Variants in SNX9 observed in about 807,000 individuals in gnomAD.
SNX9 encodes sorting nexin-9.
In SNX9, 44 loss-of-function variants were observed where a neutral mutation model predicts 89.4. That is an observed-to-expected ratio of 0.49 (90% CI 0.39 to 0.63). SNX9 has a LOEUF of 0.63. SNX9 is among the 30% of genes least tolerant of loss of function. The pLI, the probability that SNX9 is intolerant of heterozygous loss-of-function variation, is 0.00. For synonymous variants in SNX9, 236 were observed against 247.8 expected (o/e 0.95, Z 0.45); for missense variants, 578 against 736.1 (o/e 0.79, Z 2.49).
At chr6:157,933,850 G>A (rs1783867060) in intron 13 of SNX9, among the ~76,000 whole-genome samples, 1 of 152,204 alleles carries the variant, frequency 6.6e-6, no homozygotes, top group African/African-American at 2.4e-5. Context: ...TTTCTGGACT[G>A]TGATTATCAA....
intron 10 of SNX9, 61 bp downstream of exon 10, chr6:157,921,722 C>A: frequency 6.5e-7 from 1 of 1,535,648 alleles, no homozygotes; most frequent in South Asian, 1.2e-5. Context: ...TCACACCAAA[C>A]TTATTTCTGA....
rs3805777 is a variant in SNX9, at chr6:157,899,033, A to G, written c.472+2035A>G. 3.0e-3 allele frequency among the ~76,000 whole-genome samples: 440 copies of G among 148,268 alleles called. 2 individuals are homozygous for G. Among genetic ancestry groups the G allele is most frequent in the African/African-American group, 0.01 (393 of 38,466 alleles). On this transcript the variant is annotated intron_variant, in intron 5 of 17. Coordinates refer to ENST00000392185, the MANE Select transcript of SNX9 (RefSeq NM_016224.5). ...CTCTTAGGACCTGACACTAAAGGAC[A>G]CTCAGGCCGTTAGAGTAGGGGAGGA...
intron 1 of SNX9, among the ~76,000 whole-genome samples, chr6:157,862,912 A>G (rs1004084739): frequency 3.3e-5 from 5 of 152,196 alleles, no homozygotes; most frequent in Admixed American, 2.6e-4. Flanking sequence ...GTGGACTGAC[A>G]GTTTAATAAG....
intron 2 of SNX9, among the ~76,000 whole-genome samples, chr6:157,867,923 T>C (rs1782301885): frequency 6.6e-6 from 1 of 152,216 alleles, no homozygotes; most frequent in African/African-American, 2.4e-5. Flanking sequence ...TTCTTCGATA[T>C]GTTTATCTTA....
intron 16 of SNX9, among the ~76,000 whole-genome samples, chr6:157,940,400 G>A (rs777308390): frequency 1.3e-4 from 20 of 152,208 alleles, no homozygotes; most frequent in Non-Finnish European, 2.4e-4. Context: ...GGAAAGTAAT[G>A]TTTGTCATTA....
rs57674908 is a variant in SNX9, at chr6:157,899,635, G to A, written c.473-2263G>A. On this transcript the variant is annotated intron_variant, in intron 5 of 17. Coordinates refer to ENST00000392185, the MANE Select transcript of SNX9 (RefSeq NM_016224.5). ...AAAATAGAAAAAAAATTAGCCGGGT[G>A]TGGTGGCAGGCGCCTGTAGTCCCAG... Among the ~76,000 whole-genome samples, 7 of 152,242 alleles carry A rather than the reference G, an allele frequency of 4.6e-5. No homozygotes were observed. In the East Asian group the frequency reaches 1.2e-3, roughly 25 times the overall value.
intron 11 of SNX9, 51 bp downstream of exon 11, chr6:157,927,265 T>C (rs1428214001): frequency 6.7e-6 from 9 of 1,347,994 alleles, no homozygotes; most frequent in Non-Finnish European, 9.6e-6. Context: ...CCCTCCTCCT[T>C]TGGCCATCAG....
chr6:157,877,792 G>A (rs1021840672), intron 4 of SNX9, among the ~76,000 whole-genome samples: 4 of 152,036 alleles, frequency 2.6e-5, no homozygotes, highest in African/African-American at 4.8e-5. Context: ...GGCACACTCT[G>A]CCAACTTCTG....
intron 1 of SNX9, among the ~76,000 whole-genome samples, chr6:157,854,048 C>G (rs912026522): frequency 2.0e-5 from 3 of 152,180 alleles, no homozygotes; most frequent in Non-Finnish European, 4.4e-5. Flanking sequence ...CATTTCCTCC[C>G]CCTTTGGGGA....
intron 4 of SNX9, among the ~76,000 whole-genome samples, 164 bp from the exon 5 acceptor site, chr6:157,896,663 A>G (rs572956231): frequency 2.0e-5 from 3 of 152,236 alleles, no homozygotes; most frequent in Admixed American, 6.5e-5. Flanking sequence ...GCTTTCCTAC[A>G]TGTTTGGAAA....
At chr6:157,930,143 C>A (rs1487854175) in intron 12 of SNX9, among the ~76,000 whole-genome samples, 2 of 152,206 alleles carry the variant, frequency 1.3e-5, no homozygotes, top group Admixed American at 1.3e-4. Context: ...CAATAACTAC[C>A]TCTGCCTCTT....
intron 6 of SNX9, among the ~76,000 whole-genome samples, chr6:157,904,492 A>G (rs1783170402): frequency 6.6e-6 from 1 of 152,054 alleles, no homozygotes; most frequent in African/African-American, 2.4e-5. Context: ...GCTGTCCTCA[A>G]ATTTTTCTGT....
At chr6:157,857,165 A>G (rs992694518) in intron 1 of SNX9, among the ~76,000 whole-genome samples, 1 of 152,214 alleles carries the variant, frequency 6.6e-6, no homozygotes, top group Non-Finnish European at 1.5e-5. Flanking sequence ...GTTTCAGTCC[A>G]TTGTGGTCAT....
At chr6:157,894,101 C>CTTTTCTTTTTT (rs1782921948) in intron 4 of SNX9, among the ~76,000 whole-genome samples, 1 of 103,360 alleles carries the variant, frequency 9.7e-6, no homozygotes, top group African/African-American at 3.7e-5. Flanking sequence ...TTTCGCTTTT[C>CTTTTCTTTTTT]TTTTCTTTTT....
At chr6:157,865,503 G>T (rs920081182) in intron 1 of SNX9, among the ~76,000 whole-genome samples, 12 of 152,186 alleles carry the variant, frequency 7.9e-5, no homozygotes, top group Non-Finnish European at 1.5e-4. Flanking sequence ...CTCCACTCGG[G>T]TCCCAGCCTC....
chr6:157,850,115 G>A (rs973022611), intron 1 of SNX9, among the ~76,000 whole-genome samples: 3 of 152,194 alleles, frequency 2.0e-5, no homozygotes, highest in African/African-American at 7.2e-5. Context: ...AGGGGCGAGG[G>A]GAGGAGAGTG....
At chr6:157,866,191 C>T (rs1425538593) in intron 1 of SNX9, among the ~76,000 whole-genome samples, 2 of 152,276 alleles carry the variant, frequency 1.3e-5, no homozygotes. Flanking sequence ...TGTTTCTGGA[C>T]CCTGTCTCAA....
chr6:157,917,728 A>G (rs1415948664), intron 9 of SNX9, among the ~76,000 whole-genome samples: 1 of 152,162 alleles, frequency 6.6e-6, no homozygotes, highest in Non-Finnish European at 1.5e-5. Flanking sequence ...AATACCTAAT[A>G]CAATGTAAAT....
intron 5 of SNX9, among the ~76,000 whole-genome samples, chr6:157,901,232 A>G (rs1258237652): frequency 1.3e-5 from 2 of 152,172 alleles, no homozygotes; most frequent in Admixed American, 6.5e-5. Context: ...AATCAGGAGC[A>G]TTTCATCTTT....
Sources: allele counts gnomAD v4.1 joint callset (sites outside exome capture counted in the v4.1 genomes callset), GRCh38; gene constraint gnomAD v4.1.1; transcripts MANE v1.5; gene names NCBI Gene and HGNC (gene_info 2026-07-23, HGNC 2026-07-21).